The following LCOR variants were observed in gnomAD, a reference collection of about 807,000 sequenced individuals.
The protein encoded by LCOR is ligand-dependent corepressor.
Under a neutral mutation model 64.4 loss-of-function variants are expected in LCOR, and 14 were observed. The observed-to-expected ratio is 0.22, with a 90% CI of 0.14 to 0.34. The LOEUF is 0.34. LCOR is among the 10% of genes least tolerant of loss of function. LCOR has a pLI of 1.00. For synonymous variants in LCOR, 643 were observed against 642.5 expected (o/e 1.00, Z -0.01); for missense variants, 1,686 against 1,765.3 (o/e 0.96, Z 0.80).
chr10:96,869,693 G>C (rs1846038683), intron 2 of LCOR, among the ~76,000 whole-genome samples: 1 of 151,172 alleles, frequency 6.6e-6, no homozygotes, highest in Admixed American at 6.6e-5. Context: ...TCCTGCCTCA[G>C]CCTTCCAAGT....
At chr10:96,916,930 A>G (rs1564624905) in intron 4 of LCOR, among the ~76,000 whole-genome samples, 1 of 152,186 alleles carries the variant, frequency 6.6e-6, no homozygotes, top group Admixed American at 6.5e-5. Flanking sequence ...GTGAGATTTA[A>G]TAGAATGCAG....
intron 6 of LCOR, among the ~76,000 whole-genome samples, chr10:96,950,638 C>T (rs545084430): frequency 1.4e-4 from 22 of 152,056 alleles, no homozygotes; most frequent in African/African-American, 4.8e-4. Context: ...TGACAGCATG[C>T]TCTTAAAAAG....
intron 4 of LCOR, among the ~76,000 whole-genome samples, chr10:96,908,550 C>A (rs1846769635): frequency 6.6e-6 from 1 of 151,946 alleles, no homozygotes; most frequent in African/African-American, 2.4e-5. Flanking sequence ...ACTGGGTGAA[C>A]CTTTGTGTAT....
intron 4 of LCOR, among the ~76,000 whole-genome samples, chr10:96,940,398 G>T (rs1356106457): frequency 8.0e-6 from 1 of 125,654 alleles, no homozygotes; most frequent in African/African-American, 3.0e-5. Flanking sequence ...CAACAGTGGA[G>T]GGAAGGTCAG....
At chr10:96,905,550 CA>C (rs1389844562) in intron 2 of LCOR, among the ~76,000 whole-genome samples, 1 of 152,064 alleles carries the variant, frequency 6.6e-6, no homozygotes, top group African/African-American at 2.4e-5. Flanking sequence ...CCAAAATAGG[CA>C]GTATCTAGCA....
chr10:96,911,210 G>C (rs929200524), intron 4 of LCOR, among the ~76,000 whole-genome samples: 1 of 147,838 alleles, frequency 6.8e-6, no homozygotes, highest in African/African-American at 2.5e-5. Flanking sequence ...CGATTCTCAT[G>C]CCTTAGCCTC....
chr10:96,892,651 A>G (rs1420948759), intron 2 of LCOR, among the ~76,000 whole-genome samples: 1 of 152,014 alleles, frequency 6.6e-6, no homozygotes, highest in Non-Finnish European at 1.5e-5. Context: ...TAATCCTATC[A>G]CCTTGGAGGT....
At chr10:96,851,519 G>A (rs902521427) in intron 2 of LCOR, among the ~76,000 whole-genome samples, 42 of 152,150 alleles carry the variant, frequency 2.8e-4, no homozygotes, top group African/African-American at 9.7e-4. Flanking sequence ...TGTGGATGAC[G>A]TGGTAAAATC....
Position 96,972,029 on chromosome 10 carries a change from C to G in LCOR, c.333-8764C>G, listed in dbSNP as rs567010989. Among the ~76,000 whole-genome samples the G allele has an allele frequency of 6.6e-5, 10 of 151,890 alleles. No individual in the cohort carries two copies. In the East Asian group the frequency reaches 1.9e-3, roughly 29 times the overall value. ...TCTCCAGCTGTAGCCTTGAGTGTTTCTAGAGAGGGGTGGGGTGGGGAATAG... is the reference window on the plus strand; with the variant it reads ...TCTCCAGCTGTAGCCTTGAGTGTTTGTAGAGAGGGGTGGGGTGGGGAATAG... On this transcript the variant is annotated intron_variant, in intron 7 of 7. Coordinates refer to ENST00000421806, the MANE Select transcript of LCOR (RefSeq NM_001346516.2).
chr10:96,914,695 G>A (rs756990040), intron 4 of LCOR, among the ~76,000 whole-genome samples: 1 of 152,202 alleles, frequency 6.6e-6, no homozygotes, highest in Non-Finnish European at 1.5e-5. Flanking sequence ...CTATAAAACC[G>A]AATGAAGTCT....
chr10:96,929,130 A>G (rs773154563), intron 4 of LCOR, among the ~76,000 whole-genome samples: 2 of 152,226 alleles, frequency 1.3e-5, no homozygotes, highest in Non-Finnish European at 2.9e-5. Flanking sequence ...ACTGGCTTCA[A>G]CTTTGGTCAC....
intron 7 of LCOR, chr10:96,957,743 A>AG: frequency 1.0e-6 from 1 of 985,406 alleles, no homozygotes. Context: ...GTGTGTTCAA[A>AG]GGTTAGGCAC....
intron 4 of LCOR, among the ~76,000 whole-genome samples, chr10:96,920,434 G>GTATATATGTATATATATATTCA (rs71007309): frequency 2.4e-5 from 3 of 124,012 alleles, no homozygotes; most frequent in East Asian, 2.2e-4. Context: ...ATATATATGT[G>GTATATATGTATATATATATTCA]TATATATGTG....
rs543249606 is a variant in LCOR, at chr10:96,931,893, G to T, written c.-183-12220G>T. On this transcript the variant is annotated intron_variant, in intron 4 of 7. Transcript: ENST00000421806. ...AAGTCCACTTGGGTAAATTTAAACA[G>T]TTCCTAAAAGAGAAGACTGAATGTT... is the stretch of plus-strand genomic sequence containing the variant. Among the ~76,000 whole-genome samples the T allele has an allele frequency of 2.2e-4, 33 of 152,262 alleles. No homozygotes were observed. The South Asian group carries it at 3.3e-3, about 15-fold the overall frequency.
chr10:96,966,761 A>G (rs887113489), intron 7 of LCOR, among the ~76,000 whole-genome samples: 2 of 152,090 alleles, frequency 1.3e-5, no homozygotes, highest in Non-Finnish European at 1.5e-5. Context: ...GTTTGACAGG[A>G]TCTCATTCTT....
chr10:96,967,536 T>A (rs142046954), intron 7 of LCOR, among the ~76,000 whole-genome samples: 1 of 152,360 alleles, frequency 6.6e-6, no homozygotes, highest in East Asian at 1.9e-4. Context: ...TTTTTAGACC[T>A]TATTTCAACT....
intron 4 of LCOR, among the ~76,000 whole-genome samples, chr10:96,911,486 T>C (rs1464729527): frequency 1.3e-5 from 2 of 152,194 alleles, no homozygotes; most frequent in African/African-American, 4.8e-5. Flanking sequence ...TCAGAGATGT[T>C]CAGTTATGGG....
At chr10:96,941,347 C>T (rs1847469616) in intron 4 of LCOR, among the ~76,000 whole-genome samples, 1 of 142,004 alleles carries the variant, frequency 7.0e-6, no homozygotes, top group Admixed American at 6.8e-5. Context: ...TCCTCACTTC[C>T]CAGTAGGGGC....
At chr10:96,881,592 G>A (rs1846263538) in intron 2 of LCOR, among the ~76,000 whole-genome samples, 1 of 151,990 alleles carries the variant, frequency 6.6e-6, no homozygotes, top group Admixed American at 6.6e-5. Flanking sequence ...AAGTAACTGG[G>A]ATTACAGGTG....
Sources: allele counts gnomAD v4.1 joint callset (sites outside exome capture counted in the v4.1 genomes callset), GRCh38; gene constraint gnomAD v4.1.1; transcripts MANE v1.5; gene names NCBI Gene and HGNC (gene_info 2026-07-23, HGNC 2026-07-21).